Variants in ZDHHC17 observed in about 807,000 individuals in gnomAD.
ZDHHC17 encodes zDHHC palmitoyltransferase 17.
A neutral mutation model predicts 90.3 loss-of-function variants in ZDHHC17; 40 were observed. That is an observed-to-expected ratio of 0.44 (90% CI 0.34 to 0.58). The LOEUF is 0.58. Among genes scored for constraint, ZDHHC17 ranks in the 20% least tolerant of loss-of-function variants. The pLI, the probability that ZDHHC17 is intolerant of heterozygous loss-of-function variation, is 0.01. For missense variants in ZDHHC17, 614 were observed against 780.8 expected (o/e 0.79, Z 2.55); for synonymous variants, 235 against 252.4 (o/e 0.93, Z 0.65).
intron 11 of ZDHHC17, 111 bp from the exon 12 acceptor site, chr12:76,842,808 A>G (rs1370102104): frequency 2.4e-5 from 18 of 749,768 alleles, no homozygotes; most frequent in Non-Finnish European, 3.8e-5. Context: ...TTTGAACTCA[A>G]AACATCAGTA....
At chr12:76,771,895 T>C (rs552537320) in intron 1 of ZDHHC17, among the ~76,000 whole-genome samples, 34 of 152,286 alleles carry the variant, frequency 2.2e-4, no homozygotes, top group African/African-American at 7.5e-4. Flanking sequence ...GATGCAAGGA[T>C]GCAGTTGAAA....
chr12:76,766,786 G>A (rs1158461795), intron 1 of ZDHHC17, among the ~76,000 whole-genome samples: 1 of 147,922 alleles, frequency 6.8e-6, no homozygotes, highest in Non-Finnish European at 1.5e-5. Flanking sequence ...TTGGGAAGCC[G>A]AGGTGAGAGA....
chr12:76,842,204 T>G (rs1275847490), intron 11 of ZDHHC17, 98 bp downstream of exon 11: 2 of 1,273,122 alleles, frequency 1.6e-6, no homozygotes. Flanking sequence ...TCGTTTAGAA[T>G]GTAAAGAAGT....
intron 1 of ZDHHC17, among the ~76,000 whole-genome samples, chr12:76,780,961 A>G (rs1359840110): frequency 2.0e-5 from 3 of 151,262 alleles, no homozygotes; most frequent in Non-Finnish European, 4.4e-5. Flanking sequence ...CACCGTCTCT[A>G]CTAAAAATAC....
At chr12:76,814,066 A>G (rs576122068) in intron 5 of ZDHHC17, among the ~76,000 whole-genome samples, 1 of 152,116 alleles carries the variant, frequency 6.6e-6, no homozygotes, top group African/African-American at 2.4e-5. Flanking sequence ...TTTTATTTTC[A>G]AAGTACTCCA....
rs1013349010 is a variant in ZDHHC17 at position 76,827,024 on chromosome 12, T to A, written c.1014T>A (p.Val338=). 4 of 1,567,836 alleles carry A rather than the reference T, an allele frequency of 2.6e-6. No homozygotes were observed. Among genetic ancestry groups the A allele is most frequent in the Non-Finnish European group, 3.4e-6 (4 of 1,164,676 alleles). Residue 338 remains valine (V), a synonymous_variant, in exon 9 of 17, where the codon GTT becomes GTA. Coordinates refer to ENST00000426126, the MANE Select transcript of ZDHHC17 (RefSeq NM_015336.4). ...WLIKGLMYGG[V]WATVQFLSKS... ...TTAAAGGGCTAATGTATGGTGGTGT[T>A]TGGGCTACAGTACAGTTTCTTTCAA...
At chr12:76,814,374 C>T (rs1258646494) in intron 5 of ZDHHC17, among the ~76,000 whole-genome samples, 5 of 151,012 alleles carry the variant, frequency 3.3e-5, no homozygotes, top group Non-Finnish European at 7.4e-5. Context: ...AGTATTTATG[C>T]ATATTTATAA....
In ZDHHC17 at chr12:76,815,930, G is replaced by T. The variant is rs775683938; in HGVS notation, c.682G>T (p.Ala228Ser). ...NLGDKYHKNT[A>S]LHWAVLAGNT... ...TGGTGACAAGTATCACAAAAACACT[G>T]CTCTGCATTGGGCAGTGCTAGCAGG... Residue 228 changes from alanine (A) to serine (S), a missense_variant, in exon 7 of 17, where the codon GCT becomes TCT. Coordinates refer to ENST00000426126, the MANE Select transcript of ZDHHC17 (RefSeq NM_015336.4). 10 of 1,580,762 alleles carry T rather than the reference G, an allele frequency of 6.3e-6. No individual in the cohort carries two copies. The highest frequency in any genetic ancestry group is 1.2e-5 in the South Asian group (1 of 86,424).
At chr12:76,842,551 A>G (rs748591359) in intron 11 of ZDHHC17, among the ~76,000 whole-genome samples, 10 of 152,310 alleles carry the variant, frequency 6.6e-5, no homozygotes, top group Middle Eastern at 3.4e-3. Context: ...TAGGAAACCA[A>G]TATTATAATC....
chr12:76,785,114 T>G (rs1460188053), intron 1 of ZDHHC17, among the ~76,000 whole-genome samples: 3 of 152,244 alleles, frequency 2.0e-5, no homozygotes, highest in African/African-American at 7.2e-5. Flanking sequence ...GACTTCCACC[T>G]TACAGTTCTG....
chr12:76,847,707 A>G (rs1459869901), intron 14 of ZDHHC17, among the ~76,000 whole-genome samples: 1 of 152,042 alleles, frequency 6.6e-6, no homozygotes, highest in Non-Finnish European at 1.5e-5. Flanking sequence ...AAAATACAAA[A>G]ATTAGCCCGG....
intron 3 of ZDHHC17, among the ~76,000 whole-genome samples, chr12:76,807,400 C>T (rs540840313): frequency 1.6e-4 from 25 of 152,194 alleles, no homozygotes; most frequent in Non-Finnish European, 2.9e-4. Context: ...ATCAGTTGTT[C>T]GTTGATGGTC....
At chr12:76,795,905 A>C (rs1326668010) in intron 1 of ZDHHC17, among the ~76,000 whole-genome samples, 1 of 152,152 alleles carries the variant, frequency 6.6e-6, no homozygotes, top group Admixed American at 6.5e-5. Context: ...TAATGTGGGT[A>C]TATAATTATA....
chr12:76,841,624 A>G (rs551344459), intron 10 of ZDHHC17, among the ~76,000 whole-genome samples: 1 of 152,258 alleles, frequency 6.6e-6, no homozygotes, highest in African/African-American at 2.4e-5. Context: ...TTTTAAATAT[A>G]CGAGTATGAT....
intron 2 of ZDHHC17, among the ~76,000 whole-genome samples, chr12:76,802,369 A>C (rs1952901766): frequency 6.6e-6 from 1 of 152,084 alleles, no homozygotes; most frequent in Non-Finnish European, 1.5e-5. Flanking sequence ...CGTTCCTTTC[A>C]AGGTTCTCTC....
Position 76,845,709 on chromosome 12 carries a change from A to G in ZDHHC17, c.1330A>G (p.Ile444Val), listed in dbSNP as rs763573987. The G allele has an allele frequency of 6.3e-7, 1 of 1,591,806 alleles. No individual in the cohort carries two copies. ...AATCCTTTAACATGCCTATTAACAG[A>G]TACGAAAACCGGTGAGGTCCAAACA... is the stretch of plus-strand genomic sequence containing the variant. Reference protein sequence around the residue: ...DLSIFCSTCLIRKPVRSKHCG... With the variant: ...DLSIFCSTCLVRKPVRSKHCG... The change falls in exon 13 of 17, where the codon ATA becomes GTA. Residue 444 changes from isoleucine (I) to valine (V), a missense_variant and splice_region_variant. Physicochemically the swap from Ile to Val is conservative, Grantham distance 29 (BLOSUM62 3). Transcript: ENST00000426126.
intron 4 of ZDHHC17, 39 bp downstream of exon 4, chr12:76,809,159 T>C (rs202038070): frequency 7.0e-7 from 1 of 1,420,100 alleles, no homozygotes; most frequent in Non-Finnish European, 9.5e-7. Flanking sequence ...TTTGGTTCCT[T>C]TATTAGTATA....
intron 15 of ZDHHC17, 36 bp from the exon 16 acceptor site, chr12:76,849,340 A>AAAAAC: frequency 1.8e-6 from 2 of 1,132,016 alleles, no homozygotes; most frequent in Non-Finnish European, 2.5e-6. Flanking sequence ...AAAAAAAAAA[A>AAAAAC]ACAAGAATAA....
chr12:76,778,434 G>C (rs1406590219), intron 1 of ZDHHC17, among the ~76,000 whole-genome samples: 2 of 152,092 alleles, frequency 1.3e-5, no homozygotes, highest in Non-Finnish European at 2.9e-5. Context: ...TGTTGGCCAG[G>C]CTGGTCTCAA....
Sources: gnomAD v4.1 joint callset for allele counts (sites outside exome capture counted in the v4.1 genomes callset) on GRCh38, gnomAD v4.1.1 for gene constraint, MANE v1.5 for transcripts, NCBI Gene and HGNC (gene_info 2026-07-23, HGNC 2026-07-21) for gene names.